The following GALNT1 variants were observed in gnomAD, a reference collection of about 807,000 sequenced individuals.
GALNT1 encodes polypeptide N-acetylgalactosaminyltransferase 1, also known as GalNAc transferase 1.
Under a neutral mutation model 65.7 loss-of-function variants are expected in GALNT1, and 17 were observed. That is an observed-to-expected ratio of 0.26 (90% CI 0.18 to 0.39). GALNT1 has a LOEUF of 0.39. Ranked by LOEUF, GALNT1 falls within the 10% of genes least tolerant of loss-of-function variation. GALNT1 has a pLI of 1.00. For missense variants in GALNT1, 460 were observed against 672.8 expected, an observed-to-expected ratio of 0.68 and a Z score of 3.50; for synonymous variants, 210 against 219.7, an observed-to-expected ratio of 0.96 and a Z score of 0.39.
intron 8 of GALNT1, among the ~76,000 whole-genome samples, chr18:35,691,644 T>A (rs1209946516): frequency 6.6e-6 from 1 of 152,220 alleles, no homozygotes; most frequent in Non-Finnish European, 1.5e-5. Context: ...GAGGCTTTCG[T>A]CAAGTATCAC....
At position 35,629,274 on chromosome 18, in the gene GALNT1, C is replaced by A. The variant is rs185094456; in HGVS notation, c.-103-25286C>A. The stretch of plus-strand genomic sequence containing the variant: ...CCAAGACACATAATTGTCAGATTCA[C>A]CAAAGTCAAAATGAAGGAAAAAATA... On this transcript the variant is annotated intron_variant, in intron 1 of 11. Transcript: ENST00000269195. 9.2e-5 allele frequency among the ~76,000 whole-genome samples: 14 copies of A among 152,168 alleles called. No individual in the cohort carries two copies. In the East Asian group the frequency reaches 2.7e-3, roughly 29 times the overall value.
At chr18:35,604,241 A>G (rs924611518) in intron 1 of GALNT1, among the ~76,000 whole-genome samples, 9 of 152,132 alleles carry the variant, frequency 5.9e-5, no homozygotes, top group Non-Finnish European at 1.0e-4. Context: ...GTTGCAAAGG[A>G]CGTGATTTTG....
At chr18:35,672,405 GGACAGAGGTAGTTA>G (rs2047649937) in intron 3 of GALNT1, among the ~76,000 whole-genome samples, 1 of 152,192 alleles carries the variant, frequency 6.6e-6, no homozygotes, top group Admixed American at 6.5e-5. Flanking sequence ...CAGCTATGCT[GGACAGAGGTAGTTA>G]GCTGCTTTCC....
At chr18:35,708,734 G>C (rs1233587861) in intron 11 of GALNT1, among the ~76,000 whole-genome samples, 2 of 152,156 alleles carry the variant, frequency 1.3e-5, no homozygotes, top group African/African-American at 2.4e-5. Context: ...TACCTGCCCT[G>C]CCCTTTCAAA....
chr18:35,703,205 T>C (rs1261010574), intron 10 of GALNT1, among the ~76,000 whole-genome samples: 1 of 152,144 alleles, frequency 6.6e-6, no homozygotes, highest in African/African-American at 2.4e-5. Flanking sequence ...TATGTTTACA[T>C]TGCTGAGCAC....
chr18:35,635,885 A>T (rs1325616688), intron 1 of GALNT1, among the ~76,000 whole-genome samples: 2 of 152,140 alleles, frequency 1.3e-5, no homozygotes, highest in African/African-American at 4.8e-5. Flanking sequence ...GTTATTTCAA[A>T]ATTAACCTTC....
intron 1 of GALNT1, among the ~76,000 whole-genome samples, chr18:35,598,991 GTTTT>G (rs377086201): frequency 3.5e-5 from 4 of 115,016 alleles, no homozygotes; most frequent in African/African-American, 9.3e-5. Flanking sequence ...GTATCCAGGC[GTTTT>G]TTTTTTTTTT....
chr18:35,648,021 AAAGAG>A (rs1158471469), intron 1 of GALNT1, among the ~76,000 whole-genome samples: 14 of 147,016 alleles, frequency 9.5e-5, no homozygotes, highest in East Asian at 2.0e-4. Context: ...TCAAAAACAA[AAAGAG>A]AAGAAGAAGA....
Position 35,654,642 on chromosome 18 carries a change from T to C in GALNT1, c.-21T>C. 7.6e-7 allele frequency: 1 copy of C among 1,317,524 alleles called. No individual in the cohort carries two copies. The highest frequency in any genetic ancestry group is 9.8e-7 in the Non-Finnish European group (1 of 1,022,462). 81.6% of individuals were successfully genotyped at this position (1,317,524 alleles called of 1,614,324 possible). ...ATTTATATATATATATTTTTAAATT[T>C]TGCATTTGACTTAAAGTGCCATGAG... On this transcript the variant is annotated 5_prime_UTR_variant, in exon 2 of 12. Coordinates refer to ENST00000269195, the MANE Select transcript of GALNT1 (RefSeq NM_020474.4).
intron 1 of GALNT1, among the ~76,000 whole-genome samples, chr18:35,605,024 T>C (rs898087077): frequency 6.6e-6 from 1 of 152,192 alleles, no homozygotes; most frequent in African/African-American, 2.4e-5. Flanking sequence ...AGATATTCTT[T>C]AATTTTGGAA....
chr18:35,678,614 C>T (rs1598803707), intron 4 of GALNT1, among the ~76,000 whole-genome samples: 1 of 152,178 alleles, frequency 6.6e-6, no homozygotes, highest in East Asian at 1.9e-4. Flanking sequence ...TCATTGGTGT[C>T]ATGTGTTCCA....
chr18:35,581,985 G>A (rs1391924113), intron 1 of GALNT1, 123 bp downstream of exon 1: 1 of 152,028 alleles, frequency 6.6e-6, no homozygotes, highest in Non-Finnish European at 1.5e-5. Flanking sequence ...GCTGCCTGGG[G>A]CCGGGGCGCG....
chr18:35,683,017 C>A (rs2144606106), intron 4 of GALNT1, among the ~76,000 whole-genome samples: 1 of 151,296 alleles, frequency 6.6e-6, no homozygotes, highest in African/African-American at 2.4e-5. Context: ...ACAGCTATTA[C>A]ATATTCTGTG....
rs575556125 is a variant in GALNT1, at chr18:35,632,155, C to T, written c.-103-22405C>T. ...TAATTTAGAGATTCAATGCCATCCC[C>T]ATCAAGCTACCAATGACTTTCTTCA... On this transcript the variant is annotated intron_variant, in intron 1 of 11. Transcript: ENST00000269195. Among the ~76,000 whole-genome samples, 530 of 152,312 alleles carry T rather than the reference C, an allele frequency of 3.5e-3. 1 individual carries two copies. The highest frequency in any genetic ancestry group is 5.9e-3 in the Non-Finnish European group (402 of 68,028).
rs367747030 is a variant in GALNT1 at position 35,693,394 on chromosome 18, G to C, written c.1299+1074G>C. Among the ~76,000 whole-genome samples the C allele has an allele frequency of 3.3e-5, 5 of 152,196 alleles. No individual in the cohort carries two copies. The East Asian group carries it at 9.7e-4, about 29-fold the overall frequency. On this transcript the variant is annotated intron_variant, in intron 9 of 11. Transcript: ENST00000269195. ...AGATAAGGTCAAAGACAAAGTGAGGGTCAAATCATATAAAGCTTTTAGGTT... is the reference window on the plus strand; with the variant it reads ...AGATAAGGTCAAAGACAAAGTGAGGCTCAAATCATATAAAGCTTTTAGGTT...
chr18:35,695,136 A>G (rs1204056567), intron 9 of GALNT1, among the ~76,000 whole-genome samples: 1 of 152,228 alleles, frequency 6.6e-6, no homozygotes, highest in Non-Finnish European at 1.5e-5. Context: ...TGTACACTTG[A>G]AAACAGTTTA....
intron 1 of GALNT1, among the ~76,000 whole-genome samples, chr18:35,619,852 A>G (rs2046829764): frequency 6.6e-6 from 1 of 152,176 alleles, no homozygotes; most frequent in Non-Finnish European, 1.5e-5. Flanking sequence ...TCTCTGTTTA[A>G]AGTCTAGGAA....
At chr18:35,630,050 A>G (rs2046984171) in intron 1 of GALNT1, among the ~76,000 whole-genome samples, 1 of 152,220 alleles carries the variant, frequency 6.6e-6, no homozygotes, top group African/African-American at 2.4e-5. Flanking sequence ...CAGATTCATA[A>G]AGCAAGTCCT....
chr18:35,634,553 A>G (rs2144233170), intron 1 of GALNT1, among the ~76,000 whole-genome samples: 1 of 152,296 alleles, frequency 6.6e-6, no homozygotes, highest in South Asian at 2.1e-4. Context: ...GGAGTCACAC[A>G]GGATGTACAT....
Sources: allele counts gnomAD v4.1 joint callset (sites outside exome capture counted in the v4.1 genomes callset), GRCh38; gene constraint gnomAD v4.1.1; transcripts MANE v1.5; gene names NCBI Gene and HGNC (gene_info 2026-07-23, HGNC 2026-07-21).